The following DENND5B variants were observed in gnomAD, a reference collection of about 807,000 sequenced individuals.
DENND5B encodes DENN domain containing 5B, also known as DENN domain-containing protein 5B.
Under a neutral mutation model 140.6 loss-of-function variants are expected in DENND5B, and 34 were observed. That is an observed-to-expected ratio of 0.24 (90% CI 0.18 to 0.32). DENND5B has a LOEUF of 0.32. DENND5B is among the 10% of genes least tolerant of loss of function. The pLI, the probability that DENND5B is intolerant of heterozygous loss-of-function variation, is 1.00. For synonymous variants in DENND5B, 551 were observed against 562.1 expected (o/e 0.98, Z 0.28); for missense variants, 1,142 against 1,560.2 (o/e 0.73, Z 4.52).
intron 7 of DENND5B, among the ~76,000 whole-genome samples, chr12:31,441,534 A>G (rs919417893): frequency 2.0e-5 from 3 of 150,930 alleles, no homozygotes; most frequent in African/African-American, 4.9e-5. Flanking sequence ...CCCAGGCTGG[A>G]TAATAGTGGT....
At position 31,423,566 on chromosome 12, in the gene DENND5B, T is replaced by C. The variant is rs201659318; in HGVS notation, c.2470+31A>G. 12 of 1,608,420 alleles carry C rather than the reference T, an allele frequency of 7.5e-6. No individual in the cohort carries two copies. The Middle Eastern group carries it at 9.9e-4, about 133-fold the overall frequency. ...AGTATTGAGTCTTCTCAGAGTCCAG[T>C]GCTGCTAGTTCTTTACCAATGATGT... is the stretch of plus-strand genomic sequence containing the variant. On this transcript the variant is annotated intron_variant, in intron 11 of 20. Coordinates refer to ENST00000389082, the MANE Select transcript of DENND5B (RefSeq NM_144973.4).
In DENND5B at chr12:31,389,317, T is replaced by C; in HGVS notation, c.3641+7A>G. The C allele has an allele frequency of 6.2e-7, 1 of 1,609,636 alleles. No individual in the cohort carries two copies. Among genetic ancestry groups the C allele is most frequent in the Non-Finnish European group, 8.5e-7 (1 of 1,177,762 alleles). ...AAGATAGGGAAAATAAAAAACTGGT[T>C]TTGTACCTTGTTCCAAGGCAAACTA... On this transcript the variant is annotated splice_region_variant and intron_variant, in intron 20 of 20. Transcript: ENST00000389082.
intron 11 of DENND5B, among the ~76,000 whole-genome samples, chr12:31,416,479 G>C (rs1467964432): frequency 6.6e-6 from 1 of 151,816 alleles, no homozygotes; most frequent in Non-Finnish European, 1.5e-5. Context: ...TGGCCAGCTG[G>C]TCTCGAACTC....
At chr12:31,438,525 C>G (rs146459822) in intron 7 of DENND5B, among the ~76,000 whole-genome samples, 362 of 151,896 alleles carry the variant, frequency 2.4e-3, no homozygotes, top group Non-Finnish European at 3.7e-3. Context: ...GAAATGTCTC[C>G]AAAGCAAAAG....
At chr12:31,544,869 TAGAGG>T (rs1222521060) in intron 1 of DENND5B, among the ~76,000 whole-genome samples, 1 of 152,074 alleles carries the variant, frequency 6.6e-6, no homozygotes, top group Non-Finnish European at 1.5e-5. Context: ...ATTAAGACTT[TAGAGG>T]AAAGTTCTTA....
intron 1 of DENND5B, among the ~76,000 whole-genome samples, chr12:31,511,921 C>CTT (rs761566462): frequency 0.2 from 20,037 of 98,472 alleles, 3,872 homozygotes; most frequent in African/African-American, 0.42. Flanking sequence ...CTCCACTGCC[C>CTT]TTTTTTTTTT....
chr12:31,443,067 C>T lies in DENND5B; in HGVS notation c.1862-142G>A, dbSNP rs57532053. ...TATTGTGTGTGTGTGTGTGTGTGCA[C>T]GCACGCACGCATATATGCATGTTTT... is the stretch of plus-strand genomic sequence containing the variant. On this transcript the variant is annotated intron_variant, in intron 6 of 20. Coordinates refer to ENST00000389082, the MANE Select transcript of DENND5B (RefSeq NM_144973.4). 7.2e-4 allele frequency: 490 copies of T among 677,540 alleles called. 2 individuals are homozygous for T. In the East Asian group the frequency reaches 0.011, roughly 16 times the overall value. 42.0% of individuals were successfully genotyped at this position (677,540 alleles called of 1,614,324 possible).
intron 4 of DENND5B, among the ~76,000 whole-genome samples, chr12:31,458,627 G>T (rs1944884406): frequency 6.6e-6 from 1 of 152,046 alleles, no homozygotes; most frequent in South Asian, 2.1e-4. Context: ...ATTTTTGTGG[G>T]GAAATATTCA....
At chr12:31,424,747 C>T in intron 9 of DENND5B, 60 bp from the exon 10 acceptor site, 1 of 1,577,044 alleles carries the variant, frequency 6.3e-7, no homozygotes. Context: ...ACCAACAAGT[C>T]AATTACTAAA....
At chr12:31,577,143 T>TA (rs1173241322) in intron 1 of DENND5B, among the ~76,000 whole-genome samples, 13 of 152,158 alleles carry the variant, frequency 8.5e-5, no homozygotes, top group Admixed American at 4.6e-4. Context: ...ACTGAGGAAT[T>TA]AAGATGATCA....
intron 1 of DENND5B, among the ~76,000 whole-genome samples, chr12:31,533,618 T>C (rs967380216): frequency 2.0e-5 from 3 of 152,212 alleles, no homozygotes; most frequent in African/African-American, 7.2e-5. Context: ...AGTGCCCAAA[T>C]CAGCAGGATT....
chr12:31,483,318 T>A (rs1456552892), intron 2 of DENND5B, among the ~76,000 whole-genome samples: 1 of 152,216 alleles, frequency 6.6e-6, no homozygotes, highest in Non-Finnish European at 1.5e-5. Flanking sequence ...ACAGTCTTTG[T>A]CACAACTGCT....
At chr12:31,416,127 G>A (rs552771596) in intron 11 of DENND5B, among the ~76,000 whole-genome samples, 1 of 151,534 alleles carries the variant, frequency 6.6e-6, no homozygotes, top group East Asian at 2.0e-4. Flanking sequence ...GTGAGCCACC[G>A]TGCCCAGACC....
At chr12:31,587,295 T>C (rs1006721405) in intron 1 of DENND5B, among the ~76,000 whole-genome samples, 3 of 152,226 alleles carry the variant, frequency 2.0e-5, no homozygotes, top group Non-Finnish European at 2.9e-5. Flanking sequence ...ATTTCCAGTC[T>C]GATTCTCCAT....
rs1424807745 is a variant in DENND5B, at chr12:31,446,822, G to A, written c.1861+716C>T. On this transcript the variant is annotated intron_variant, in intron 6 of 20. Coordinates refer to ENST00000389082, the MANE Select transcript of DENND5B (RefSeq NM_144973.4). ...GAATGGCGTGAACCCGGGAGGTGGC[G>A]CTTGCAGTGAGCCAAGATGGCGCCA... Among the ~76,000 whole-genome samples, 16 of 151,348 alleles carry A rather than the reference G, an allele frequency of 1.1e-4. No homozygotes were observed. The East Asian group carries it at 1.9e-3, about 18-fold the overall frequency.
intron 1 of DENND5B, among the ~76,000 whole-genome samples, chr12:31,538,469 C>T (rs117613490): frequency 0.021 from 3,121 of 151,918 alleles, 57 homozygotes; most frequent in South Asian, 0.052. Context: ...CTATAAGTGC[C>T]TACATCAAAA....
chr12:31,391,890 C>T (rs1941165777), intron 19 of DENND5B, among the ~76,000 whole-genome samples: 1 of 152,046 alleles, frequency 6.6e-6, no homozygotes, highest in African/African-American at 2.4e-5. Flanking sequence ...CCTGTAATCC[C>T]AGCACTTTGG....
chr12:31,520,036 C>T (rs1565659164), intron 1 of DENND5B, among the ~76,000 whole-genome samples: 1 of 151,956 alleles, frequency 6.6e-6, no homozygotes, highest in East Asian at 1.9e-4. Context: ...TGGAACATGG[C>T]AAAAAAATTT....
At chr12:31,464,610 G>A (rs1330482761) in intron 3 of DENND5B, among the ~76,000 whole-genome samples, 1 of 152,008 alleles carries the variant, frequency 6.6e-6, no homozygotes, top group African/African-American at 2.4e-5. Context: ...GTCCAGGCTG[G>A]AGTGCAGTGG....
Sources: gnomAD v4.1 joint callset for allele counts (sites outside exome capture counted in the v4.1 genomes callset) on GRCh38, gnomAD v4.1.1 for gene constraint, MANE v1.5 for transcripts, NCBI Gene and HGNC (gene_info 2026-07-23, HGNC 2026-07-21) for gene names.